The following CAPN13 variants were observed in gnomAD, a reference collection of about 807,000 sequenced individuals.
CAPN13 encodes the protein calpain 13.
A neutral mutation model predicts 98.4 loss-of-function variants in CAPN13; 90 were observed. The observed-to-expected ratio is 0.92, with a 90% CI of 0.77 to 1.09. The LOEUF (loss-of-function observed/expected upper bound fraction) is 1.09. Among genes scored for constraint, CAPN13 ranks in the 50% least tolerant of loss-of-function variants. The pLI is 0.00. For missense variants in CAPN13, 887 were observed against 841.3 expected (o/e 1.05, Z -0.67); for synonymous variants, 330 against 305.5 (o/e 1.08, Z -0.84).
intron 15 of CAPN13, chr2:30,741,285 C>G (rs907938158): frequency 1.4e-6 from 1 of 726,770 alleles, no homozygotes; most frequent in African/African-American, 1.9e-5. Context: ...GCCTGCCATC[C>G]TTCCTGTCCT....
chr2:30,798,548 C>A (rs979785727), intron 1 of CAPN13, among the ~76,000 whole-genome samples: 1 of 152,226 alleles, frequency 6.6e-6, no homozygotes, highest in Non-Finnish European at 1.5e-5. Flanking sequence ...TAGCATATCC[C>A]AGCAACAAAG....
In CAPN13 at chr2:30,787,142, A is replaced by T; in HGVS notation, c.184T>A (p.Trp62Arg). 1 of 1,568,440 alleles carries T rather than the reference A, an allele frequency of 6.4e-7. No individual in the cohort carries two copies. Among genetic ancestry groups the T allele is most frequent in the Non-Finnish European group, 8.6e-7 (1 of 1,156,688 alleles). ...LQEKRLSNVI[W>R]KRPQDLPGGP... ...GGCTCACTCACCTGTGGCCGCTTCC[A>T]TATCACATTGGAGAGGCGTTTTTCC... is the stretch of plus-strand genomic sequence containing the variant. Residue 62 changes from tryptophan to arginine, a missense_variant, in exon 2 of 23, where the codon TGG becomes AGG. Coordinates refer to ENST00000295055, the MANE Select transcript of CAPN13 (RefSeq NM_144575.3).
At chr2:30,779,207 G>A (rs1673860580) in intron 2 of CAPN13, among the ~76,000 whole-genome samples, 2 of 152,186 alleles carry the variant, frequency 1.3e-5, no homozygotes, top group Non-Finnish European at 2.9e-5. Flanking sequence ...CCCCTCCAGG[G>A]ATCCCCAGGG....
intron 1 of CAPN13, among the ~76,000 whole-genome samples, chr2:30,800,115 G>GAAAAGAAAGAAAGAAAGAAAGAAAGA (rs1675123341): frequency 5.5e-5 from 3 of 54,800 alleles, no homozygotes; most frequent in African/African-American, 2.1e-4. Context: ...AGAAAAGAAA[G>GAAAAGAAAGAAAGAAAGAAAGAAAGA]AAAAGAAAGA....
intron 8 of CAPN13, among the ~76,000 whole-genome samples, 191 bp downstream of exon 8, chr2:30,757,855 G>C (rs1256585151): frequency 6.6e-6 from 1 of 152,218 alleles, no homozygotes; most frequent in Non-Finnish European, 1.5e-5. Context: ...GTACACAGTA[G>C]GTGCCCCATA....
intron 1 of CAPN13, among the ~76,000 whole-genome samples, chr2:30,801,604 TA>T (rs10609363): frequency 0.023 from 1,801 of 79,956 alleles, 24 homozygotes; most frequent in East Asian, 0.089. Context: ...GACTCAGTCT[TA>T]AAAAAAAAAA....
intron 15 of CAPN13, chr2:30,741,627 T>G: frequency 8.3e-7 from 1 of 1,208,270 alleles, no homozygotes; most frequent in Non-Finnish European, 1.0e-6. Flanking sequence ...GTTTAAAGAT[T>G]TAGAGGGCAA....
chr2:30,730,873 A>G lies in CAPN13; in HGVS notation c.1984-87T>C. Reference sequence around the variant, plus strand: ...GGCAAATGCCACCCTCCTCCCTCGGAAGACCTCAGTCCAGTCTCATCACCC... The same window carrying G: ...GGCAAATGCCACCCTCCTCCCTCGGGAGACCTCAGTCCAGTCTCATCACCC... On this transcript the variant is annotated intron_variant, in intron 21 of 22. Transcript: ENST00000295055. 1.2e-5 allele frequency: 9 copies of G among 769,736 alleles called. No homozygotes were observed. The South Asian group carries it at 1.2e-4, about 11-fold the overall frequency. 47.7% of individuals were successfully genotyped at this position (769,736 alleles called of 1,614,324 possible).
intron 7 of CAPN13, among the ~76,000 whole-genome samples, chr2:30,761,422 C>CAG (rs1342011648): frequency 6.6e-6 from 1 of 152,172 alleles, no homozygotes; most frequent in Non-Finnish European, 1.5e-5. Flanking sequence ...CTCCCGAGCT[C>CAG]CCCTTTGTCA....
At chr2:30,768,668 A>C (rs1157941594) in intron 5 of CAPN13, among the ~76,000 whole-genome samples, 2 of 129,228 alleles carry the variant, frequency 1.5e-5, no homozygotes, top group Non-Finnish European at 3.0e-5. Context: ...TCATTTCATG[A>C]ACTTTCTTTT....
chr2:30,777,244 C>T (rs1181951336), intron 3 of CAPN13, among the ~76,000 whole-genome samples: 3 of 152,230 alleles, frequency 2.0e-5, no homozygotes, highest in Non-Finnish European at 4.4e-5. Context: ...ATTCTTAACT[C>T]TGTTGCTAAC....
At chr2:30,766,683 C>T (rs1052909140) in intron 5 of CAPN13, among the ~76,000 whole-genome samples, 1 of 152,050 alleles carries the variant, frequency 6.6e-6, no homozygotes, top group Non-Finnish European at 1.5e-5. Flanking sequence ...TCTTTCTGCC[C>T]GGCAATCATA....
intron 1 of CAPN13, among the ~76,000 whole-genome samples, chr2:30,789,599 T>C (rs1392133415): frequency 6.6e-6 from 1 of 152,210 alleles, no homozygotes; most frequent in Non-Finnish European, 1.5e-5. Flanking sequence ...GGCCAGACTT[T>C]AGGAATTCCC....
At chr2:30,777,096 T>C (rs953480338) in intron 3 of CAPN13, among the ~76,000 whole-genome samples, 1 of 152,204 alleles carries the variant, frequency 6.6e-6, no homozygotes, top group Admixed American at 6.5e-5. Flanking sequence ...CTGAGGTTTC[T>C]CTTGGCCACA....
At chr2:30,770,217 CA>C (rs1349435435) in intron 5 of CAPN13, 95 bp downstream of exon 5, 1 of 1,507,972 alleles carries the variant, frequency 6.6e-7, no homozygotes, top group Admixed American at 2.0e-5. Flanking sequence ...AGCCAGGTGG[CA>C]AAGGCTGCAA....
intron 15 of CAPN13, among the ~76,000 whole-genome samples, chr2:30,739,956 T>C (rs1671566516): frequency 6.6e-6 from 1 of 152,184 alleles, no homozygotes; most frequent in African/African-American, 2.4e-5. Flanking sequence ...ACTTGGTGGA[T>C]AGACCTAGCT....
At chr2:30,775,506 G>A (rs1043279815) in intron 4 of CAPN13, among the ~76,000 whole-genome samples, 2 of 152,012 alleles carry the variant, frequency 1.3e-5, no homozygotes, top group Admixed American at 1.3e-4. Flanking sequence ...AATTCTCATG[G>A]AAGAATAAAT....
intron 15 of CAPN13, among the ~76,000 whole-genome samples, chr2:30,739,058 G>A: frequency 6.6e-6 from 1 of 152,204 alleles, no homozygotes; most frequent in Non-Finnish European, 1.5e-5. Flanking sequence ...AAGCAATTGA[G>A]GTTGGGGAGG....
chr2:30,805,176 G>A (rs1019460119), intron 1 of CAPN13, among the ~76,000 whole-genome samples: 1 of 152,160 alleles, frequency 6.6e-6, no homozygotes, highest in African/African-American at 2.4e-5. Context: ...CATAGGGCAA[G>A]CTTTGAACAA....
Sources: allele counts gnomAD v4.1 joint callset (sites outside exome capture counted in the v4.1 genomes callset), GRCh38; gene constraint gnomAD v4.1.1; transcripts MANE v1.5; gene names NCBI Gene and HGNC (gene_info 2026-07-23, HGNC 2026-07-21).